NRXN1: variants seen among roughly 807,000 people sequenced by gnomAD.
NRXN1 encodes the protein neurexin 1, also known as neurexin-1.
In NRXN1, 39 loss-of-function variants were observed where a neutral mutation model predicts 150.9. The ratio of observed to expected loss-of-function variants is 0.26; its 90% CI spans 0.20 to 0.34. The LOEUF (loss-of-function observed/expected upper bound fraction) is 0.34, where lower values mean the gene tolerates loss of function less well. Ranked by LOEUF, NRXN1 falls within the 10% of genes least tolerant of loss-of-function variation. The pLI, the probability that NRXN1 is intolerant of heterozygous loss-of-function variation, is 1.00. For missense variants in NRXN1, 1,815 were observed against 1,949.9 expected (o/e 0.93, Z 1.30); for synonymous variants, 924 against 757.0 (o/e 1.22, Z -3.62).
intron 2 of NRXN1, chr2:51,009,109 A>C (rs1327105480): frequency 6.6e-6 from 1 of 151,952 alleles, no homozygotes; most frequent in East Asian, 1.9e-4. Context: ...CTTGTTACTT[A>C]ACTCCAATAT....
chr2:50,863,102 CACTG>C (rs1197508672), intron 5 of NRXN1, among the ~76,000 whole-genome samples: 1 of 152,038 alleles, frequency 6.6e-6, no homozygotes, highest in East Asian at 1.9e-4. Context: ...TTTTTGGTGT[CACTG>C]ACTATCATAT....
At chr2:50,696,112 G>C (rs1342300363) in intron 5 of NRXN1, 1 of 151,966 alleles carries the variant, frequency 6.6e-6, no homozygotes, top group Non-Finnish European at 1.5e-5. Context: ...GAAAGTGCTA[G>C]GATTACAGGC....
intron 17 of NRXN1, among the ~76,000 whole-genome samples, chr2:50,350,285 A>G (rs976193318): frequency 6.6e-6 from 1 of 152,204 alleles, no homozygotes; most frequent in African/African-American, 2.4e-5. Context: ...TTTTCTCCAT[A>G]AGGCACATCA....
chr2:50,366,152 C>CTTT (rs35589416), intron 17 of NRXN1, among the ~76,000 whole-genome samples: 6 of 132,500 alleles, frequency 4.5e-5, no homozygotes, highest in African/African-American at 1.1e-4. Flanking sequence ...CGGCTGGACA[C>CTTT]TTTTTTTTTT....
At chr2:50,768,969 A>C (rs1173148279) in intron 5 of NRXN1, among the ~76,000 whole-genome samples, 2 of 151,582 alleles carry the variant, frequency 1.3e-5, no homozygotes, top group African/African-American at 2.4e-5. Context: ...GAAAACGAAA[A>C]CTTCTTGGGA....
chr2:50,778,751 G>A (rs1282541406), intron 5 of NRXN1, among the ~76,000 whole-genome samples: 1 of 152,140 alleles, frequency 6.6e-6, no homozygotes, highest in Non-Finnish European at 1.5e-5. Flanking sequence ...CTACCCAAAT[G>A]TGCATATGTT....
At chr2:50,396,097 T>G (rs539213734) in intron 17 of NRXN1, among the ~76,000 whole-genome samples, 2 of 152,258 alleles carry the variant, frequency 1.3e-5, no homozygotes, top group African/African-American at 4.8e-5. Context: ...GAATTCTAAT[T>G]CAATATCCTA....
At chr2:50,896,528 C>A (rs72823555) in intron 5 of NRXN1, among the ~76,000 whole-genome samples, 5,259 of 152,152 alleles carry the variant, frequency 0.035, 165 homozygotes, top group East Asian at 0.079. Context: ...AGACAAGTGG[C>A]AGAAGGTTGA....
chr2:50,269,200 A>G (rs1052003170), intron 17 of NRXN1, among the ~76,000 whole-genome samples: 4 of 149,194 alleles, frequency 2.7e-5, no homozygotes, highest in African/African-American at 7.8e-5. Context: ...ATTTCAATGA[A>G]TAAAGAAGTA....
chr2:50,945,572 G>A (rs1278737206), intron 2 of NRXN1, among the ~76,000 whole-genome samples: 1 of 150,590 alleles, frequency 6.6e-6, no homozygotes, highest in East Asian at 2.0e-4. Flanking sequence ...CAAAAAATAG[G>A]TAATGAGCCA....
At chr2:50,175,099 A>T (rs2060270139) in intron 18 of NRXN1, 1 of 152,144 alleles carries the variant, frequency 6.6e-6, no homozygotes, top group Admixed American at 6.6e-5. Flanking sequence ...AGCCAGTGCT[A>T]GCATCTAAGC....
In NRXN1 at chr2:50,634,350, C is replaced by G. The variant is rs552911646; in HGVS notation, c.833-10735G>C. On this transcript the variant is annotated intron_variant, in intron 5 of 22. Transcript: ENST00000401669. ...TATACATATCTGGGTTCAAATCCCA[C>G]TCACATGAGCAGTTGGGTAAATAAT... Among the ~76,000 whole-genome samples the G allele has an allele frequency of 2.0e-5, 3 of 152,308 alleles. No individual in the cohort carries two copies. In the East Asian group the frequency reaches 5.8e-4, roughly 29 times the overall value.
chr2:49,976,408 A>G (rs1207386086), intron 21 of NRXN1, among the ~76,000 whole-genome samples: 2 of 152,146 alleles, frequency 1.3e-5, no homozygotes, highest in Non-Finnish European at 2.9e-5. Flanking sequence ...GAGGAGACTG[A>G]GTTCAAAGGT....
chr2:49,984,183 A>C (rs769992206), intron 21 of NRXN1, among the ~76,000 whole-genome samples: 1 of 152,142 alleles, frequency 6.6e-6, no homozygotes, highest in Non-Finnish European at 1.5e-5. Context: ...TTAAGAAAAA[A>C]AAATCAGAAA....
In NRXN1 at chr2:50,922,374, G is replaced by T. The variant is rs960511489; in HGVS notation, c.820+284C>A. 4.2e-5 allele frequency: 23 copies of T among 543,080 alleles called. No individual in the cohort carries two copies. The African/African-American group carries it at 4.4e-4, about 10-fold the overall frequency. 33.6% of individuals were successfully genotyped at this position (543,080 alleles called of 1,614,324 possible). On this transcript the variant is annotated intron_variant, in intron 4 of 22. Transcript: ENST00000401669. ...ATAACCACCCTTTACTGCATATGCTGATAAGTATATAGAAACTTTCAATCA... is the reference window on the plus strand; with the variant it reads ...ATAACCACCCTTTACTGCATATGCTTATAAGTATATAGAAACTTTCAATCA...
At chr2:50,374,068 T>C (rs934586152) in intron 17 of NRXN1, among the ~76,000 whole-genome samples, 9 of 115,254 alleles carry the variant, frequency 7.8e-5, no homozygotes, top group Non-Finnish European at 3.3e-5. Context: ...GAGGCCGAGG[T>C]GGGGAGGATC....
chr2:50,969,718 T>C (rs576655053), intron 2 of NRXN1, among the ~76,000 whole-genome samples: 22 of 152,286 alleles, frequency 1.4e-4, no homozygotes, highest in Non-Finnish European at 2.9e-4. Context: ...TCTATGACTA[T>C]ATCTAGATCA....
At chr2:50,026,757 T>C (rs1294376863) in intron 21 of NRXN1, among the ~76,000 whole-genome samples, 1 of 150,574 alleles carries the variant, frequency 6.6e-6, no homozygotes, top group Non-Finnish European at 1.5e-5. Context: ...CACCCGAAAA[T>C]GAAGCATGAA....
At chr2:50,540,413 G>A (rs1007072089) in intron 9 of NRXN1, among the ~76,000 whole-genome samples, 2 of 152,054 alleles carry the variant, frequency 1.3e-5, no homozygotes, top group Admixed American at 6.6e-5. Flanking sequence ...GAAAGAGAAT[G>A]GTGGCTCTTT....
Sources: gnomAD v4.1 joint callset for allele counts (sites outside exome capture counted in the v4.1 genomes callset) on GRCh38, gnomAD v4.1.1 for gene constraint, MANE v1.5 for transcripts, NCBI Gene and HGNC (gene_info 2026-07-23, HGNC 2026-07-21) for gene names.